LEMD3: variants seen among roughly 807,000 people sequenced by gnomAD.
The protein encoded by LEMD3 is LEM domain containing 3.
In LEMD3, 33 loss-of-function variants were observed where a neutral mutation model predicts 95.2. The observed-to-expected ratio is 0.35, with a 90% CI of 0.26 to 0.46. LEMD3 has a LOEUF of 0.46. LEMD3 is among the 20% of genes least tolerant of loss of function. The pLI is 1.00. For synonymous variants in LEMD3, 525 were observed against 474.6 expected, an observed-to-expected ratio of 1.11 and a Z score of -1.38; for missense variants, 1,210 against 1,192.8, an observed-to-expected ratio of 1.01 and a Z score of -0.21.
Position 65,209,572 on chromosome 12 carries a change from A to C in LEMD3, c.1523-1354A>C, listed in dbSNP as rs143637779. On this transcript the variant is annotated intron_variant, in intron 1 of 12. Coordinates refer to ENST00000308330, the MANE Select transcript of LEMD3 (RefSeq NM_014319.5). ...TAGTCCATGTGTTCTGATCCTTAAC[A>C]TTTTATTTAATCTTGAAGCTATATT... is the stretch of plus-strand genomic sequence containing the variant. 9.3e-3 allele frequency among the ~76,000 whole-genome samples: 1,415 copies of C among 152,150 alleles called. 23 individuals are homozygous for C. The highest frequency in any genetic ancestry group is 0.032 in the African/African-American group (1,332 of 41,516).
intron 1 of LEMD3, among the ~76,000 whole-genome samples, chr12:65,201,303 C>G (rs1869593666): frequency 6.6e-6 from 1 of 152,070 alleles, no homozygotes; most frequent in Non-Finnish European, 1.5e-5. Flanking sequence ...ATAAATAAAC[C>G]TTAGAATCAG....
In LEMD3 at chr12:65,169,824, CGCAGCCGCGGGACCAGCGGCGGCG is replaced by C; in HGVS notation, c.231_254del (p.Pro81_Gly88del). On this transcript the variant is annotated inframe_deletion, in exon 1 of 13. Transcript: ENST00000308330. Reference sequence around the variant, plus strand: ...ACAATAACACGGCAGCCGCCACGGTCGCAGCCGCGGGACCAGCGGCGGCGGCGGCCGCGGGGATGGGGGTCCGGC... The same window carrying C: ...ACAATAACACGGCAGCCGCCACGGTCGCGGCCGCGGGGATGGGGGTCCGGC... 1 of 1,484,392 alleles carries C rather than the reference CGCAGCCGCGGGACCAGCGGCGGCG, an allele frequency of 6.7e-7. No individual in the cohort carries two copies. 92.0% of individuals were successfully genotyped at this position (1,484,392 alleles called of 1,614,324 possible). A position where few individuals can be genotyped will look rare whatever the true frequency, so the allele number is the denominator to read the frequency against.
At chr12:65,197,872 G>A (rs1461673559) in intron 1 of LEMD3, among the ~76,000 whole-genome samples, 1 of 151,956 alleles carries the variant, frequency 6.6e-6, no homozygotes, top group Non-Finnish European at 1.5e-5. Flanking sequence ...TTATTTCTCT[G>A]TGCGTTTGCT....
chr12:65,218,987 T>G (rs1471765901), intron 4 of LEMD3, among the ~76,000 whole-genome samples: 1 of 152,170 alleles, frequency 6.6e-6, no homozygotes, highest in Non-Finnish European at 1.5e-5. Context: ...AGATGGAGTT[T>G]CACTATGTTG....
chr12:65,221,071 G>A (rs562359610), intron 4 of LEMD3, among the ~76,000 whole-genome samples: 72 of 151,836 alleles, frequency 4.7e-4, no homozygotes, highest in African/African-American at 1.7e-3. Flanking sequence ...TTGGGATTTT[G>A]TATTGCTGTA....
At chr12:65,216,453 T>A (rs1163549752) in intron 3 of LEMD3, among the ~76,000 whole-genome samples, 2 of 152,198 alleles carry the variant, frequency 1.3e-5, no homozygotes, top group East Asian at 3.9e-4. Flanking sequence ...TTTATTCTCC[T>A]GTAATTTTCT....
Position 65,246,134 on chromosome 12 carries a change from CTAAAATATTATTTT to C in LEMD3, c.2573-25_2573-12del, listed in dbSNP as rs1871097260. The C allele has an allele frequency of 6.4e-7, 1 of 1,554,082 alleles. No homozygotes were observed. Among genetic ancestry groups the C allele is most frequent in the Admixed American group, 1.7e-5 (1 of 59,714 alleles). On this transcript the variant is annotated splice_polypyrimidine_tract_variant and intron_variant, in intron 12 of 12. Coordinates refer to ENST00000308330, the MANE Select transcript of LEMD3 (RefSeq NM_014319.5). ...GCAAATATTAAACAGTTTTACTGAT[CTAAAATATTATTTT>C]TATCTTACAACAGGGAAATTGGTTA...
At chr12:65,204,174 ATT>A (rs879289495) in intron 1 of LEMD3, among the ~76,000 whole-genome samples, 4 of 134,946 alleles carry the variant, frequency 3.0e-5, no homozygotes, top group African/African-American at 2.7e-5. Flanking sequence ...TTTTTTTTTC[ATT>A]TTTTTTTTTT....
intron 1 of LEMD3, among the ~76,000 whole-genome samples, chr12:65,203,749 G>A (rs1413652270): frequency 4.6e-5 from 7 of 152,108 alleles, no homozygotes; most frequent in African/African-American, 1.7e-4. Context: ...CTCTATATTA[G>A]TGGATTCTTC....
chr12:65,211,807 T>TA (rs1396569850), intron 2 of LEMD3, among the ~76,000 whole-genome samples: 2 of 152,240 alleles, frequency 1.3e-5, no homozygotes, highest in African/African-American at 4.8e-5. Flanking sequence ...TGGTACAGTA[T>TA]ACTTACTGAA....
At chr12:65,175,843 C>A (rs994002224) in intron 1 of LEMD3, among the ~76,000 whole-genome samples, 9 of 152,102 alleles carry the variant, frequency 5.9e-5, no homozygotes, top group African/African-American at 2.2e-4. Flanking sequence ...CTGACATTTT[C>A]TTTATATTTA....
At chr12:65,191,617 C>T (rs934212561) in intron 1 of LEMD3, among the ~76,000 whole-genome samples, 3 of 151,954 alleles carry the variant, frequency 2.0e-5, no homozygotes, top group Admixed American at 6.6e-5. Flanking sequence ...TGGAAACTAC[C>T]GAAGTTAGTT....
At position 65,170,712 on chromosome 12, in the gene LEMD3, T is replaced by TA; in HGVS notation, c.1117dup (p.Thr373AsnfsTer2). 1 of 1,614,210 alleles carries TA rather than the reference T, an allele frequency of 6.2e-7. No individual in the cohort carries two copies. Among genetic ancestry groups the TA allele is most frequent in the Non-Finnish European group, 8.5e-7 (1 of 1,180,030 alleles). ...TGACCCCTCTCCTGCCCCCGCCACT[T>TA]ACTGACATGGACTCAACCTTGGATT... is the stretch of plus-strand genomic sequence containing the variant. On this transcript the variant is annotated frameshift_variant, in exon 1 of 13. Coordinates refer to ENST00000308330, the MANE Select transcript of LEMD3 (RefSeq NM_014319.5). LOFTEE classifies it high-confidence loss of function.
intron 1 of LEMD3, among the ~76,000 whole-genome samples, chr12:65,187,318 ACAATT>A (rs1869098285): frequency 6.6e-6 from 1 of 151,986 alleles, no homozygotes; most frequent in Non-Finnish European, 1.5e-5. Context: ...AGAGACTTTA[ACAATT>A]CAATTCAAGG....
chr12:65,178,007 G>C (rs1404135562), intron 1 of LEMD3, among the ~76,000 whole-genome samples: 5 of 151,760 alleles, frequency 3.3e-5, no homozygotes, highest in Non-Finnish European at 5.9e-5. Flanking sequence ...ACCACATCTG[G>C]CAAATTTTTT....
intron 4 of LEMD3, among the ~76,000 whole-genome samples, chr12:65,235,920 G>A (rs1870759237): frequency 6.6e-6 from 1 of 151,692 alleles, no homozygotes; most frequent in Non-Finnish European, 1.5e-5. Flanking sequence ...GTTTGTAAAT[G>A]CTATAATAAA....
intron 9 of LEMD3, 108 bp from the exon 10 acceptor site, chr12:65,243,280 C>T: frequency 1.4e-6 from 1 of 739,882 alleles, no homozygotes; most frequent in East Asian, 2.5e-5. Context: ...AGGGGTCTGG[C>T]TCCTAGTAAA....
chr12:65,238,061 G>C (rs1249583394), intron 4 of LEMD3, among the ~76,000 whole-genome samples: 1 of 152,134 alleles, frequency 6.6e-6, no homozygotes, highest in Non-Finnish European at 1.5e-5. Flanking sequence ...TTGAGGTCAG[G>C]AGTTTAAGTC....
intron 1 of LEMD3, among the ~76,000 whole-genome samples, chr12:65,194,896 A>AAT (rs1869380976): frequency 2.3e-4 from 1 of 4,354 alleles, no homozygotes; most frequent in Non-Finnish European, 5.6e-4. Context: ...TAAAATTAAA[A>AAT]TAAAATAATT....
Sources: allele counts gnomAD v4.1 joint callset (sites outside exome capture counted in the v4.1 genomes callset), GRCh38; gene constraint gnomAD v4.1.1; transcripts MANE v1.5; gene names NCBI Gene and HGNC (gene_info 2026-07-23, HGNC 2026-07-21).